COPG1: variants seen among roughly 807,000 people sequenced by gnomAD.
The protein encoded by COPG1 is coat protein complex I subunit gamma 1.
COPG1 carries 29 observed loss-of-function variants against 102.8 expected under a neutral mutation model. That is an observed-to-expected ratio of 0.28 (90% CI 0.21 to 0.38). The LOEUF (loss-of-function observed/expected upper bound fraction) is 0.38. Among genes scored for constraint, COPG1 ranks in the 10% least tolerant of loss-of-function variants. The pLI is 1.00. For missense variants in COPG1, 875 were observed against 1,132.7 expected (o/e 0.77, Z 3.27); for synonymous variants, 406 against 421.6 (o/e 0.96, Z 0.45).
At chr3:129,253,252 T>C (rs552575553) in intron 5 of COPG1, among the ~76,000 whole-genome samples, 11 of 152,150 alleles carry the variant, frequency 7.2e-5, no homozygotes, top group African/African-American at 2.7e-4. Flanking sequence ...ACAAGAAAAA[T>C]AAACAAGAGA....
At position 129,271,738 on chromosome 3, in the gene COPG1, G is replaced by A; in HGVS notation, c.1844-29G>A. 1 of 1,611,954 alleles carries A rather than the reference G, an allele frequency of 6.2e-7. No individual in the cohort carries two copies. The highest frequency in any genetic ancestry group is 8.5e-7 in the Non-Finnish European group (1 of 1,178,846). ...AACAAGTTGGTCTGGGGATCGAGAA[G>A]CTGAGTGAATGTGGCCTGTGGATTT... On this transcript the variant is annotated intron_variant, in intron 18 of 23. Transcript: ENST00000314797. The surrounding 1 kb of genome is among the most constrained non-coding windows in gnomAD (Gnocchi z 4.7).
rs6764633 is a variant in COPG1, at chr3:129,256,169, A to G, written c.579+15A>G. Reference sequence around the variant, plus strand: ...TCATGGTCCAGGTGAGATGTGAGCAAGGGAGTGATATTTAAAACACTCAGG... The same window carrying G: ...TCATGGTCCAGGTGAGATGTGAGCAGGGGAGTGATATTTAAAACACTCAGG... On this transcript the variant is annotated intron_variant, in intron 8 of 23. Transcript: ENST00000314797. 1.9e-3 allele frequency: 3,066 copies of G among 1,610,520 alleles called. 55 individuals carry two copies. In the African/African-American group the frequency reaches 0.036, roughly 19 times the overall value.
At position 129,252,609 on chromosome 3, in the gene COPG1, C is replaced by A; in HGVS notation, c.172-14C>A. 6.2e-7 allele frequency: 1 copy of A among 1,611,702 alleles called. No homozygotes were observed. The highest frequency in any genetic ancestry group is 8.5e-7 in the Non-Finnish European group (1 of 1,177,896). ...CTCTGTCCCAAGCTGAGACTTCTTT[C>A]TTGATTAACACAGGGGGAGCACCTG... On this transcript the variant is annotated splice_polypyrimidine_tract_variant and intron_variant, in intron 3 of 23. Transcript: ENST00000314797.
intron 6 of COPG1, 96 bp from the exon 7 acceptor site, chr3:129,254,889 T>A: frequency 1.7e-6 from 2 of 1,206,404 alleles, no homozygotes; most frequent in South Asian, 1.3e-5. Flanking sequence ...AAACGCTTAC[T>A]TCCTCCTCAT....
intron 13 of COPG1, 74 bp downstream of exon 13, chr3:129,264,073 C>A: frequency 8.1e-7 from 1 of 1,236,132 alleles, no homozygotes. Context: ...GCTCCATGCT[C>A]AGCTTTGTGC....
rs554697382 is a variant in COPG1, at chr3:129,252,643, G to A, written c.192G>A (p.Thr64=). 277 of 1,614,110 alleles carry A rather than the reference G, an allele frequency of 1.7e-4. 6 individuals carry two copies. In the South Asian group the frequency reaches 2.8e-3, roughly 16 times the overall value. The part of the protein sequence containing the change: ...LINQGEHLGT[T]EATEAFFAMT... ...CACAGGGGGAGCACCTGGGGACCAC[G>A]GAAGCGACCGAGGCCTTCTTTGCCA... The change falls in exon 4 of 24, where the codon ACG becomes ACA. Residue 64 remains threonine, a synonymous_variant. Coordinates refer to ENST00000314797, the MANE Select transcript of COPG1 (RefSeq NM_016128.4).
At chr3:129,253,121 G>C in intron 5 of COPG1, 166 bp downstream of exon 5, 1 of 570,148 alleles carries the variant, frequency 1.8e-6, no homozygotes, top group Non-Finnish European at 3.1e-6. Context: ...CAGGTGTGCT[G>C]TTTCTATTTT....
At position 129,260,317 on chromosome 3, in the gene COPG1, A is replaced by G. The variant is rs535308051; in HGVS notation, c.872-16A>G. The G allele has an allele frequency of 1.2e-6, 2 of 1,613,356 alleles. No homozygotes were observed. Among genetic ancestry groups the G allele is most frequent in the East Asian group, 4.5e-5 (2 of 44,876 alleles). ...CAGTGAAGGCAACCTGACATGTGGC[A>G]TCCATCTCCCCACAGTGCTCCAGCT... On this transcript the variant is annotated splice_polypyrimidine_tract_variant and intron_variant, in intron 10 of 23. Coordinates refer to ENST00000314797, the MANE Select transcript of COPG1 (RefSeq NM_016128.4).
At chr3:129,251,080 C>T (rs370987242) in intron 2 of COPG1, among the ~76,000 whole-genome samples, 1 of 151,188 alleles carries the variant, frequency 6.6e-6, no homozygotes, top group Admixed American at 6.6e-5. Context: ...CCCGCCACCA[C>T]ACCCGGCTAA....
chr3:129,251,378 T>G (rs1228743727), intron 2 of COPG1, among the ~76,000 whole-genome samples: 1 of 148,214 alleles, frequency 6.7e-6, no homozygotes, highest in Non-Finnish European at 1.5e-5. Context: ...TTTTTATATA[T>G]ATATATATAT....
At chr3:129,252,414 G>T in intron 3 of COPG1, 53 bp downstream of exon 3, 1 of 1,326,386 alleles carries the variant, frequency 7.5e-7, no homozygotes, top group South Asian at 1.2e-5. Context: ...GATTGGAGGG[G>T]AGTGGACAAA....
Position 129,254,760 on chromosome 3 carries a change from C to T in COPG1, c.399+17C>T. On this transcript the variant is annotated intron_variant, in intron 6 of 23. Coordinates refer to ENST00000314797, the MANE Select transcript of COPG1 (RefSeq NM_016128.4). ...ATCACTGATGTGAGTCGTGCCGGTTCCTCCCTGCTTCCTGGCCTCTTGATT... is the reference window on the plus strand; with the variant it reads ...ATCACTGATGTGAGTCGTGCCGGTTTCTCCCTGCTTCCTGGCCTCTTGATT... 1 of 1,609,562 alleles carries T rather than the reference C, an allele frequency of 6.2e-7. No homozygotes were observed. The highest frequency in any genetic ancestry group is 1.1e-5 in the South Asian group (1 of 90,900).
chr3:129,274,823 C>T lies in COPG1; in HGVS notation c.2257-15C>T. On this transcript the variant is annotated splice_polypyrimidine_tract_variant and intron_variant, in intron 21 of 23. Transcript: ENST00000314797. ...TGTGTAGATGGGTGCCTGATTTCTA[C>T]CTCCATCTCTCCAGCTGGAAGATCT... The T allele has an allele frequency of 2.5e-6, 4 of 1,605,840 alleles. No individual in the cohort carries two copies. Among genetic ancestry groups the T allele is most frequent in the Non-Finnish European group, 3.4e-6 (4 of 1,175,266 alleles).
At position 129,275,016 on chromosome 3, in the gene COPG1, T is replaced by TC; in HGVS notation, c.2395+41dup. On this transcript the variant is annotated intron_variant, in intron 22 of 23. Transcript: ENST00000314797. The surrounding 1 kb of genome is among the most constrained non-coding windows in gnomAD (Gnocchi z 5.0). ...ATGCCATCTCTGGCCTAATTACTGT[T>TC]CAAGATCTTTGGCTACTATTGAAGT... The TC allele has an allele frequency of 6.2e-7, 1 of 1,608,840 alleles. No individual in the cohort carries two copies. Among genetic ancestry groups the TC allele is most frequent in the Non-Finnish European group, 8.5e-7 (1 of 1,175,746 alleles).
Position 129,275,165 on chromosome 3 carries a change from CT to C in COPG1, c.2396-27del. 2 of 1,600,764 alleles carry C rather than the reference CT, an allele frequency of 1.2e-6. No homozygotes were observed. The highest frequency in any genetic ancestry group is 1.7e-6 in the Non-Finnish European group (2 of 1,168,136). ...GTGGCACAAAGGGCAGATAAGATGGCTTAACAATATTGGGATTTCTCATTAC... is the reference window on the plus strand; with the variant it reads ...GTGGCACAAAGGGCAGATAAGATGGCTAACAATATTGGGATTTCTCATTAC... On this transcript the variant is annotated intron_variant, in intron 22 of 23. Coordinates refer to ENST00000314797, the MANE Select transcript of COPG1 (RefSeq NM_016128.4). This position sits in a 1 kb window ranked among gnomAD's most constrained non-coding sequence, Gnocchi z 5.0.
intron 5 of COPG1, among the ~76,000 whole-genome samples, chr3:129,253,609 C>T (rs1939742204): frequency 6.6e-6 from 1 of 152,086 alleles, no homozygotes; most frequent in Non-Finnish European, 1.5e-5. Flanking sequence ...GAGAGCAGAC[C>T]AGAAGAGCAT....
chr3:129,275,396 A>G lies in COPG1; in HGVS notation c.2494+104A>G. The G allele has an allele frequency of 1.3e-6, 1 of 784,482 alleles. No homozygotes were observed. The highest frequency in any genetic ancestry group is 1.7e-5 in the South Asian group (1 of 58,380). 48.6% of individuals were successfully genotyped at this position (784,482 alleles called of 1,614,324 possible). A position where few individuals can be genotyped will look rare whatever the true frequency, so the allele number is the denominator to read the frequency against. Reference sequence around the variant, plus strand: ...CTGTAAATATGGGGAGTCAAAATTCACAGCATTTAAAATTCACAAAGTATA... The same window carrying G: ...CTGTAAATATGGGGAGTCAAAATTCGCAGCATTTAAAATTCACAAAGTATA... On this transcript the variant is annotated intron_variant, in intron 23 of 23. Coordinates refer to ENST00000314797, the MANE Select transcript of COPG1 (RefSeq NM_016128.4). This position sits in a 1 kb window ranked among gnomAD's most constrained non-coding sequence, Gnocchi z 5.0.
At position 129,252,335 on chromosome 3, in the gene COPG1, A is replaced by C. The variant is rs772816543; in HGVS notation, c.145A>C (p.Thr49Pro). The C allele has an allele frequency of 6.2e-7, 1 of 1,612,752 alleles. No homozygotes were observed. The highest frequency in any genetic ancestry group is 8.5e-7 in the Non-Finnish European group (1 of 1,178,800). Residue 49 changes from threonine to proline, a missense_variant, in exon 3 of 24, where the codon ACC becomes CCC. Physicochemically the swap from Thr to Pro is conservative, Grantham distance 38. Transcript: ENST00000314797. The stretch of plus-strand genomic sequence containing the variant: ...CCCTCGGAAATGTGCCCACATCCTC[A>C]CCAAGATTCTTTATCTCATAAACCA... ...INPRKCAHIL[T>P]KILYLINQGE...
intron 7 of COPG1, 92 bp downstream of exon 7, chr3:129,255,169 T>C: frequency 1.2e-6 from 1 of 801,390 alleles, no homozygotes; most frequent in Non-Finnish European, 2.0e-6. Flanking sequence ...AAGAAAGTGT[T>C]TCTTTCTTTC....
Sources: allele counts gnomAD v4.1 joint callset (sites outside exome capture counted in the v4.1 genomes callset), GRCh38; gene constraint gnomAD v4.1.1; non-coding constraint Gnocchi (gnomAD v3.1); transcripts MANE v1.5; gene names NCBI Gene and HGNC (gene_info 2026-07-23, HGNC 2026-07-21).